The following THPO variants were observed in gnomAD, a reference collection of about 807,000 sequenced individuals.
The protein encoded by THPO is thrombopoietin, also known as MPL ligand.
In THPO, 12 loss-of-function variants were observed where a neutral mutation model predicts 17.0. The observed-to-expected ratio is 0.71, with a 90% CI of 0.45 to 1.14. THPO has a LOEUF of 1.14. THPO is among the 50% of genes most tolerant of loss of function. THPO has a pLI of 0.00. For missense variants in THPO, 365 were observed against 427.5 expected, an observed-to-expected ratio of 0.85 and a Z score of 1.29; for synonymous variants, 188 against 183.0, an observed-to-expected ratio of 1.03 and a Z score of -0.22.
intron 1 of THPO, 103 bp from the exon 2 acceptor site, chr3:184,376,507 G>C (rs1257890603): frequency 1.4e-5 from 17 of 1,256,610 alleles, no homozygotes; most frequent in Non-Finnish European, 1.8e-5. Flanking sequence ...TGACCAGCCT[G>C]GAACTGCCAA....
chr3:184,372,343 T>TA lies in THPO; in HGVS notation c.*169dup, dbSNP rs1713958285. Reference sequence around the variant, plus strand: ...CTTAAAAAAATAGCTTCTGAAGGTTTATAATGTACAGTGAAAAATGATTCC... The same window carrying TA: ...CTTAAAAAAATAGCTTCTGAAGGTTTAATAATGTACAGTGAAAAATGATTCC... On this transcript the variant is annotated 3_prime_UTR_variant, in exon 6 of 6. Transcript: ENST00000647395. The TA allele has an allele frequency of 1.3e-6, 1 of 764,194 alleles. No homozygotes were observed. The highest frequency in any genetic ancestry group is 1.7e-5 in the African/African-American group (1 of 57,338). 47.3% of individuals were successfully genotyped at this position (764,194 alleles called of 1,614,324 possible).
chr3:184,373,626 A>C, intron 4 of THPO, 44 bp from the exon 5 acceptor site: 1 of 1,608,514 alleles, frequency 6.2e-7, no homozygotes, highest in Non-Finnish European at 8.5e-7. Context: ...CTCAAAGGGC[A>C]CACTAAAAGC....
intron 5 of THPO, 66 bp downstream of exon 5, chr3:184,373,349 C>T (rs1348886469): frequency 1.3e-6 from 2 of 1,599,448 alleles, no homozygotes; most frequent in African/African-American, 2.7e-5. Flanking sequence ...CTTCTTCCCT[C>T]AGGTCTTCTA....
chr3:184,376,751 A>G lies in THPO; in HGVS notation c.-145-347T>C, dbSNP rs370640030. On this transcript the variant is annotated intron_variant, in intron 1 of 5. Transcript: ENST00000647395. ...TCCAAGCTACTTGGGAGGCTGAGACAGGAGAATCGCTTGTACCTGGGAGGC... is the reference window on the plus strand; with the variant it reads ...TCCAAGCTACTTGGGAGGCTGAGACGGGAGAATCGCTTGTACCTGGGAGGC... Among the ~76,000 whole-genome samples the G allele has an allele frequency of 7.2e-5, 11 of 152,164 alleles. No homozygotes were observed. The East Asian group carries it at 2.1e-3, about 29-fold the overall frequency.
Position 184,376,265 on chromosome 3 carries a change from C to T in THPO, c.-6G>A. ...TTCTCACCAGTCAGCTCCATTCTGG[C>T]CGGGGTGTCTGGCTGGCGTGGCTCC... On this transcript the variant is annotated 5_prime_UTR_variant, in exon 2 of 6. Coordinates refer to ENST00000647395, the MANE Select transcript of THPO (RefSeq NM_000460.4). 6.2e-7 allele frequency: 1 copy of T among 1,614,176 alleles called. No homozygotes were observed. Among genetic ancestry groups the T allele is most frequent in the Non-Finnish European group, 8.5e-7 (1 of 1,180,026 alleles).
chr3:184,377,069 A>G lies in THPO; in HGVS notation c.-145-665T>C, dbSNP rs376760279. 6.6e-5 allele frequency among the ~76,000 whole-genome samples: 10 copies of G among 152,184 alleles called. 3 individuals are homozygous for G. On this transcript the variant is annotated intron_variant, in intron 1 of 5. Transcript: ENST00000647395. Reference sequence around the variant, plus strand: ...AAATCTGGGATGGGGATAGAGAAGGAAAGTATTGTGGCTTCAGCCTGGAGA... The same window carrying G: ...AAATCTGGGATGGGGATAGAGAAGGGAAGTATTGTGGCTTCAGCCTGGAGA...
intron 4 of THPO, among the ~76,000 whole-genome samples, chr3:184,373,967 CCT>C (rs1228080611): frequency 6.6e-6 from 1 of 152,208 alleles, no homozygotes; most frequent in Non-Finnish European, 1.5e-5. Flanking sequence ...GTGGCTCACG[CCT>C]GTAATCCCAG....
intron 4 of THPO, 99 bp downstream of exon 4, chr3:184,375,416 T>C (rs1331943656): frequency 3.1e-6 from 4 of 1,288,422 alleles, no homozygotes; most frequent in Non-Finnish European, 3.4e-6. Context: ...GAAGGTGAGA[T>C]ATTTTTAAAA....
rs770004940 is a variant in THPO, at chr3:184,376,061, G to A, written c.14-46C>T. On this transcript the variant is annotated intron_variant, in intron 2 of 5. Coordinates refer to ENST00000647395, the MANE Select transcript of THPO (RefSeq NM_000460.4). Reference sequence around the variant, plus strand: ...GTTGAAAGATGAGGAGGAAATCATTGTCAGCTGGTATTCCAGGAATTCCCA... The same window carrying A: ...GTTGAAAGATGAGGAGGAAATCATTATCAGCTGGTATTCCAGGAATTCCCA... The A allele has an allele frequency of 3.7e-6, 6 of 1,613,740 alleles. No individual in the cohort carries two copies. In the East Asian group the frequency reaches 1.3e-4, roughly 36 times the overall value.
intron 1 of THPO, among the ~76,000 whole-genome samples, chr3:184,377,583 C>T (rs996013930): frequency 3.3e-5 from 5 of 152,196 alleles, no homozygotes; most frequent in Non-Finnish European, 5.9e-5. Flanking sequence ...TGCAAAGAGG[C>T]TTGCACCTGA....
chr3:184,379,304 T>A (rs959898172), upstream of THPO, among the ~76,000 whole-genome samples: 57 of 151,672 alleles, frequency 3.8e-4, no homozygotes, highest in Admixed American at 5.9e-4. Context: ...GAAAGGAGGC[T>A]GGGAGTGGGC....
chr3:184,376,525 A>G, intron 1 of THPO, 121 bp from the exon 2 acceptor site: 6 of 1,100,758 alleles, frequency 5.5e-6, no homozygotes, highest in Non-Finnish European at 7.4e-6. Context: ...CAAAGCCCTG[A>G]ATTCTCTCAC....
intron 4 of THPO, among the ~76,000 whole-genome samples, chr3:184,374,362 C>T (rs79627603): frequency 0.038 from 5,789 of 152,238 alleles, 147 homozygotes; most frequent in African/African-American, 0.063. Context: ...GAAGAAGGGA[C>T]GCTAGGGTTC....
chr3:184,378,605 C>T (rs1714657641), upstream of THPO, among the ~76,000 whole-genome samples: 3 of 152,168 alleles, frequency 2.0e-5, no homozygotes, highest in Admixed American at 2.0e-4. Flanking sequence ...CTTGTCATTC[C>T]CCCTTTCGAA....
upstream of THPO, among the ~76,000 whole-genome samples, chr3:184,379,235 G>A (rs943155135): frequency 6.6e-6 from 1 of 152,146 alleles, no homozygotes; most frequent in Non-Finnish European, 1.5e-5. Flanking sequence ...GAGGATAGTG[G>A]GTGTGTGTGG....
Position 184,372,378 on chromosome 3 carries a change from C to T in THPO, c.*135G>A. The T allele has an allele frequency of 6.6e-6, 7 of 1,061,492 alleles. 1 individual carries two copies. The highest frequency in any genetic ancestry group is 5.2e-5 in the South Asian group (4 of 76,852). The allele number at this position is 1,061,492 out of a possible 1,614,324, so 65.8% of individuals were successfully genotyped here. A position where few individuals can be genotyped will look rare whatever the true frequency, so the allele number is the denominator to read the frequency against. The stretch of plus-strand genomic sequence containing the variant: ...AGTGAAAAATGATTCCCTTTTCAGT[C>T]CTGTGTATCCCTTTTACCAGGGCTT... On this transcript the variant is annotated 3_prime_UTR_variant, in exon 6 of 6. Transcript: ENST00000647395.
At chr3:184,377,250 T>C (rs1714497661) in intron 1 of THPO, among the ~76,000 whole-genome samples, 1 of 152,110 alleles carries the variant, frequency 6.6e-6, no homozygotes, top group Non-Finnish European at 1.5e-5. Flanking sequence ...AAAGGCGGTA[T>C]GGGAGAAATT....
At chr3:184,379,210 T>C (rs1490409060), upstream of THPO, among the ~76,000 whole-genome samples, 1 of 151,694 alleles carries the variant, frequency 6.6e-6, no homozygotes, top group Non-Finnish European at 1.5e-5. Flanking sequence ...GGAAGGAGGG[T>C]GCTGGGATAG....
At position 184,375,400 on chromosome 3, in the gene THPO, C is replaced by T. The variant is rs1714302923; in HGVS notation, c.228+115G>A. The T allele has an allele frequency of 3.6e-6, 4 of 1,122,974 alleles. No individual in the cohort carries two copies. The East Asian group carries it at 7.1e-5, about 20-fold the overall frequency. 69.6% of individuals were successfully genotyped at this position (1,122,974 alleles called of 1,614,324 possible). ...TGAATGTAGATTGGGTTAGGGTGGCCAAGCTGAAGGTGAGATATTTTTAAA... is the reference window on the plus strand; with the variant it reads ...TGAATGTAGATTGGGTTAGGGTGGCTAAGCTGAAGGTGAGATATTTTTAAA... On this transcript the variant is annotated intron_variant, in intron 4 of 5. Transcript: ENST00000647395.
Sources: gnomAD v4.1 joint callset for allele counts (sites outside exome capture counted in the v4.1 genomes callset) on GRCh38, gnomAD v4.1.1 for gene constraint, MANE v1.5 for transcripts, NCBI Gene and HGNC (gene_info 2026-07-23, HGNC 2026-07-21) for gene names.